The following RXRA variants were observed in gnomAD, a reference collection of about 807,000 sequenced individuals.
The protein encoded by RXRA is retinoid X receptor alpha, also known as retinoic acid receptor RXR-alpha.
In RXRA, 5 loss-of-function variants were observed where a neutral mutation model predicts 44.5. The observed-to-expected ratio is 0.11, with a 90% CI of 0.06 to 0.24. The LOEUF (loss-of-function observed/expected upper bound fraction) is 0.24. Among genes scored for constraint, RXRA ranks in the 10% least tolerant of loss-of-function variants. The pLI, the probability that RXRA is intolerant of heterozygous loss-of-function variation, is 1.00. For missense variants in RXRA, 412 were observed against 646.5 expected (o/e 0.64, Z 3.93); for synonymous variants, 291 against 271.4 (o/e 1.07, Z -0.71).
At chr9:134,344,774 G>A (rs931163379) in intron 1 of RXRA, among the ~76,000 whole-genome samples, 1 of 152,154 alleles carries the variant, frequency 6.6e-6, no homozygotes, top group Admixed American at 6.5e-5. Flanking sequence ...CACTCTGACC[G>A]GTGTCTGTCT....
At chr9:134,422,536 A>T in intron 6 of RXRA, 15 of 1,206,000 alleles carry the variant, frequency 1.2e-5, no homozygotes, top group Non-Finnish European at 1.6e-5. Context: ...CCCTTCCGGG[A>T]CACTCCCCCC....
At chr9:134,328,834 C>T (rs1478408592) in intron 1 of RXRA, among the ~76,000 whole-genome samples, 2 of 152,166 alleles carry the variant, frequency 1.3e-5, no homozygotes, top group Admixed American at 1.3e-4. Context: ...AGGGCTTCCT[C>T]CTCCCAGCAT....
intron 1 of RXRA, among the ~76,000 whole-genome samples, chr9:134,363,672 C>T (rs1417480901): frequency 6.6e-6 from 1 of 152,234 alleles, no homozygotes; most frequent in Non-Finnish European, 1.5e-5. Context: ...GTGTGGCTGG[C>T]ACGGTTTGGC....
At chr9:134,419,031 C>T (rs1013037092) in intron 5 of RXRA, among the ~76,000 whole-genome samples, 22 of 152,192 alleles carry the variant, frequency 1.4e-4, no homozygotes, top group Non-Finnish European at 2.6e-4. Flanking sequence ...TCTACTCTGG[C>T]TGGGGGCTGG....
intron 1 of RXRA, among the ~76,000 whole-genome samples, chr9:134,375,394 C>T (rs1830543313): frequency 6.6e-6 from 1 of 152,098 alleles, no homozygotes; most frequent in Non-Finnish European, 1.5e-5. Flanking sequence ...CTTTTGGGGT[C>T]TGAGGGGGGA....
intron 1 of RXRA, among the ~76,000 whole-genome samples, chr9:134,369,829 C>T (rs1244956465): frequency 6.6e-6 from 1 of 152,142 alleles, no homozygotes; most frequent in Non-Finnish European, 1.5e-5. Flanking sequence ...TCCCCTCCTC[C>T]TAGTTCAAGG....
chr9:134,431,684 A>G (rs1051630690), intron 7 of RXRA, among the ~76,000 whole-genome samples: 5 of 151,898 alleles, frequency 3.3e-5, no homozygotes, highest in African/African-American at 1.2e-4. Flanking sequence ...AGAGGAGCCC[A>G]CCCTCCGGGC....
intron 6 of RXRA, chr9:134,425,886 C>T: frequency 3.0e-6 from 3 of 985,306 alleles, no homozygotes; most frequent in Non-Finnish European, 3.6e-6. Context: ...GGTGTTATTA[C>T]TGTCCCTTGT....
In RXRA at chr9:134,342,298, C is replaced by T. The variant is rs1327194633; in HGVS notation, c.28+15639C>T. ...CCAGGTGCCCCGGTACCAGCTTGTG[C>T]CAAGCCCATTGCCCTCCCAGAACCC... On this transcript the variant is annotated intron_variant, in intron 1 of 9. Coordinates refer to ENST00000481739, the MANE Select transcript of RXRA (RefSeq NM_002957.6). This position sits in a 1 kb window ranked among gnomAD's most constrained non-coding sequence, Gnocchi z 4.4. Among the ~76,000 whole-genome samples, 6 of 152,052 alleles carry T rather than the reference C, an allele frequency of 3.9e-5. No homozygotes were observed. The highest frequency in any genetic ancestry group is 8.8e-5 in the Non-Finnish European group (6 of 67,998).
At chr9:134,416,249 G>A (rs187392639) in intron 4 of RXRA, among the ~76,000 whole-genome samples, 120 of 152,330 alleles carry the variant, frequency 7.9e-4, no homozygotes, top group Non-Finnish European at 1.4e-3. Flanking sequence ...TCCAGGTGGA[G>A]GTAAGCTGGG....
chr9:134,424,946 T>G, intron 6 of RXRA: 2 of 985,454 alleles, frequency 2.0e-6, no homozygotes, highest in Non-Finnish European at 2.4e-6. Context: ...ATTATGTCCC[T>G]GTGCTAGGCC....
At chr9:134,341,013 G>A (rs1227073977) in intron 1 of RXRA, among the ~76,000 whole-genome samples, 1 of 152,252 alleles carries the variant, frequency 6.6e-6, no homozygotes, top group African/African-American at 2.4e-5. Context: ...TGACAGCCAG[G>A]CTGTCTCCTG....
intron 5 of RXRA, among the ~76,000 whole-genome samples, chr9:134,421,090 G>A (rs1344855445): frequency 6.6e-6 from 1 of 152,230 alleles, no homozygotes; most frequent in East Asian, 1.9e-4. Flanking sequence ...AGTTTCGTCA[G>A]CTCGCCGCAC....
intron 4 of RXRA, among the ~76,000 whole-genome samples, chr9:134,410,728 C>A (rs1276934008): frequency 2.6e-5 from 4 of 152,110 alleles, no homozygotes; most frequent in Non-Finnish European, 5.9e-5. Flanking sequence ...GCCTCGTGTG[C>A]AGCCTTAGCC....
At chr9:134,399,921 G>A (rs554518721) in intron 1 of RXRA, among the ~76,000 whole-genome samples, 1 of 152,342 alleles carries the variant, frequency 6.6e-6, no homozygotes, top group Admixed American at 6.5e-5. Flanking sequence ...GAAGCAAGAG[G>A]GGGTGTGTGG....
Position 134,439,600 on chromosome 9 carries a change from A to C in RXRA, c.*2986A>C, listed in dbSNP as rs1323680217. 6.6e-6 allele frequency: 1 copy of C among 152,242 alleles called. No individual in the cohort carries two copies. The highest frequency in any genetic ancestry group is 1.5e-5 in the Non-Finnish European group (1 of 68,120). 9.4% of individuals were successfully genotyped at this position (152,242 alleles called of 1,614,324 possible). On this transcript the variant is annotated 3_prime_UTR_variant, in exon 10 of 10. Transcript: ENST00000481739. ...GGTGGCAGTGCTGGAGATGACCCCG[A>C]GCCCCTCCCCGTGGGGCACCCAGGA...
In RXRA at chr9:134,424,665, C is replaced by T. The variant is rs117223500; in HGVS notation, c.910+2860C>T. On this transcript the variant is annotated intron_variant, in intron 6 of 9. Transcript: ENST00000481739. Reference sequence around the variant, plus strand: ...CCCCAGTAAGGTCCACTGAAGCACACGTCCAATTCAGATGTGGAACACTGG... The same window carrying T: ...CCCCAGTAAGGTCCACTGAAGCACATGTCCAATTCAGATGTGGAACACTGG... 1.8e-3 allele frequency: 1,800 copies of T among 985,484 alleles called. 7 individuals carry two copies. The Middle Eastern group carries it at 0.029, about 16-fold the overall frequency. The allele number at this position is 985,484 out of a possible 1,614,324, so 61.0% of individuals were successfully genotyped here.
At chr9:134,353,043 G>A (rs782667514) in intron 1 of RXRA, among the ~76,000 whole-genome samples, 21 of 152,090 alleles carry the variant, frequency 1.4e-4, no homozygotes, top group Non-Finnish European at 2.8e-4. Context: ...CTGGCCTCTG[G>A]GGGTGCAGGC....
chr9:134,417,359 C>T lies in RXRA; in HGVS notation c.780+32C>T, dbSNP rs549791050. 8 of 1,602,936 alleles carry T rather than the reference C, an allele frequency of 5.0e-6. No homozygotes were observed. In the South Asian group the frequency reaches 8.8e-5, roughly 18 times the overall value. ...TGCAGCCTGTGCAGGGGTGGGCAGC[C>T]TCACATGCCTCAGTTTCCCTCACTC... On this transcript the variant is annotated intron_variant, in intron 5 of 9. Transcript: ENST00000481739. The surrounding 1 kb of genome is among the most constrained non-coding windows in gnomAD (Gnocchi z 6.1).
Sources: gnomAD v4.1 joint callset for allele counts (sites outside exome capture counted in the v4.1 genomes callset) on GRCh38, gnomAD v4.1.1 for gene constraint, Gnocchi (gnomAD v3.1) non-coding constraint, MANE v1.5 for transcripts, NCBI Gene and HGNC (gene_info 2026-07-23, HGNC 2026-07-21) for gene names.